Variants in DLGAP1 observed in about 807,000 individuals in gnomAD.
The protein encoded by DLGAP1 is DLG associated protein 1.
In DLGAP1, 11 loss-of-function variants were observed where a neutral mutation model predicts 90.8. That is an observed-to-expected ratio of 0.12 (90% CI 0.08 to 0.20). The LOEUF (loss-of-function observed/expected upper bound fraction) is 0.20, where lower values mean the gene tolerates loss of function less well. DLGAP1 is among the 10% of genes least tolerant of loss of function. DLGAP1 has a pLI of 1.00. For synonymous variants in DLGAP1, 558 were observed against 540.7 expected, an observed-to-expected ratio of 1.03 and a Z score of -0.44; for missense variants, 1,050 against 1,333.8, an observed-to-expected ratio of 0.79 and a Z score of 3.31.
intron 1 of DLGAP1, among the ~76,000 whole-genome samples, chr18:4,327,374 TAA>T: frequency 6.6e-6 from 1 of 152,070 alleles, no homozygotes; most frequent in East Asian, 1.9e-4. Context: ...AATTTAAATT[TAA>T]AAGAAGTGAT....
intron 1 of DLGAP1, among the ~76,000 whole-genome samples, chr18:4,417,010 T>A (rs776484319): frequency 2.8e-4 from 42 of 152,222 alleles, no homozygotes; most frequent in Non-Finnish European, 5.9e-4. Context: ...TTATTCCTTA[T>A]TGCAGTCATT....
intron 1 of DLGAP1, among the ~76,000 whole-genome samples, chr18:4,408,540 G>A (rs775411789): frequency 5.3e-5 from 8 of 151,856 alleles, no homozygotes; most frequent in Non-Finnish European, 7.4e-5. Context: ...TAAACATGAC[G>A]TTGGTATAAG....
chr18:3,906,970 C>T (rs1167351518), intron 3 of DLGAP1, among the ~76,000 whole-genome samples: 1 of 152,078 alleles, frequency 6.6e-6, no homozygotes, highest in Non-Finnish European at 1.5e-5. Context: ...AATAGTAATA[C>T]AAATAAAATG....
At chr18:4,440,834 C>T (rs909129299) in intron 1 of DLGAP1, among the ~76,000 whole-genome samples, 1 of 152,160 alleles carries the variant, frequency 6.6e-6, no homozygotes, top group African/African-American at 2.4e-5. Flanking sequence ...ATTTAACGTG[C>T]CTCTTTCTTG....
chr18:4,090,547 C>A (rs2143745032), intron 2 of DLGAP1, among the ~76,000 whole-genome samples: 1 of 152,314 alleles, frequency 6.6e-6, no homozygotes, highest in East Asian at 1.9e-4. Flanking sequence ...CAATGAGATA[C>A]CATCTCATGC....
chr18:3,666,681 C>T (rs890083314), intron 7 of DLGAP1, among the ~76,000 whole-genome samples: 2 of 152,202 alleles, frequency 1.3e-5, no homozygotes, highest in Non-Finnish European at 2.9e-5. Context: ...GCAGAATCTC[C>T]TGAGATGTTC....
chr18:4,135,832 T>C (rs2076391303), intron 2 of DLGAP1, among the ~76,000 whole-genome samples: 1 of 149,724 alleles, frequency 6.7e-6, no homozygotes, highest in South Asian at 2.1e-4. Context: ...TTCCATAATG[T>C]ATACCTACCA....
rs189646654 is a variant in DLGAP1, at chr18:4,191,373, C to T, written c.-266-40086G>A. Among the ~76,000 whole-genome samples, 3 of 152,232 alleles carry T rather than the reference C, an allele frequency of 2.0e-5. No homozygotes were observed. The East Asian group carries it at 5.8e-4, about 29-fold the overall frequency. ...GAGCCTAAATACTAAATGATGAAAA[C>T]CACAGATATGCTATTAATTAGAAGT... is the stretch of plus-strand genomic sequence containing the variant. On this transcript the variant is annotated intron_variant, in intron 1 of 12. Transcript: ENST00000315677.
chr18:3,757,053 G>A (rs1310980402), intron 5 of DLGAP1, among the ~76,000 whole-genome samples: 1 of 152,126 alleles, frequency 6.6e-6, no homozygotes, highest in Non-Finnish European at 1.5e-5. Flanking sequence ...GAAAATAGAG[G>A]AAGAATAAAT....
intron 4 of DLGAP1, among the ~76,000 whole-genome samples, chr18:3,862,577 G>C (rs1208581377): frequency 6.6e-6 from 1 of 152,174 alleles, no homozygotes; most frequent in African/African-American, 2.4e-5. Context: ...CAGGTGGGTG[G>C]GAAGATCCAG....
At chr18:4,260,251 G>A (rs977895644) in intron 1 of DLGAP1, among the ~76,000 whole-genome samples, 7 of 152,108 alleles carry the variant, frequency 4.6e-5, no homozygotes, top group African/African-American at 1.7e-4. Context: ...AATGGGCTGG[G>A]GACTCTGCTG....
intron 3 of DLGAP1, among the ~76,000 whole-genome samples, chr18:3,972,524 T>TCTC (rs1568327634): frequency 4.9e-5 from 5 of 102,272 alleles, no homozygotes; most frequent in Non-Finnish European, 1.1e-4. Context: ...CTCTCTCTCT[T>TCTC]TCTTTCTTTC....
At chr18:3,594,994 C>T (rs2056495409) in intron 7 of DLGAP1, among the ~76,000 whole-genome samples, 1 of 152,190 alleles carries the variant, frequency 6.6e-6, no homozygotes, top group Admixed American at 6.5e-5. Context: ...GAGAGTGTGC[C>T]TCAAAGCCCC....
intron 2 of DLGAP1, among the ~76,000 whole-genome samples, chr18:4,111,082 G>T: frequency 6.6e-6 from 1 of 152,154 alleles, no homozygotes; most frequent in South Asian, 2.1e-4. Context: ...AGTGGAGGAA[G>T]CTGCCTTCCA....
chr18:3,781,868 C>A lies in DLGAP1; in HGVS notation c.1172+32191G>T, dbSNP rs188863579. Among the ~76,000 whole-genome samples, 37 of 152,276 alleles carry A rather than the reference C, an allele frequency of 2.4e-4. 1 individual carries two copies. Among genetic ancestry groups the A allele is most frequent in the Admixed American group, 1.3e-4 (2 of 15,300 alleles). ...TCTTATAAATTCAACAAGTTCAGAT[C>A]TTTTCTTGATGGATTCAACTACTTC... On this transcript the variant is annotated intron_variant, in intron 5 of 12. Coordinates refer to ENST00000315677, the MANE Select transcript of DLGAP1 (RefSeq NM_004746.4).
intron 9 of DLGAP1, among the ~76,000 whole-genome samples, chr18:3,555,538 C>T (rs2053698586): frequency 6.6e-6 from 1 of 152,110 alleles, no homozygotes; most frequent in African/African-American, 2.4e-5. Context: ...AGGCCGGGGG[C>T]AGTGGCTCAC....
At chr18:3,575,192 T>G (rs927479630) in intron 8 of DLGAP1, among the ~76,000 whole-genome samples, 2 of 152,228 alleles carry the variant, frequency 1.3e-5, no homozygotes, top group African/African-American at 2.4e-5. Context: ...ACAAGTTTCA[T>G]TATCTGCAGT....
At chr18:3,825,413 G>A (rs1388843851) in intron 4 of DLGAP1, among the ~76,000 whole-genome samples, 4 of 152,190 alleles carry the variant, frequency 2.6e-5, no homozygotes, top group Admixed American at 6.5e-5. Flanking sequence ...AAATGGTGTA[G>A]TATTTGCATA....
chr18:4,399,438 A>T (rs1180396762), intron 1 of DLGAP1, among the ~76,000 whole-genome samples: 1 of 152,228 alleles, frequency 6.6e-6, no homozygotes, highest in Non-Finnish European at 1.5e-5. Flanking sequence ...TTAGAATCCC[A>T]TCTTACAGGT....
Sources: allele counts gnomAD v4.1 joint callset (sites outside exome capture counted in the v4.1 genomes callset), GRCh38; gene constraint gnomAD v4.1.1; transcripts MANE v1.5; gene names NCBI Gene and HGNC (gene_info 2026-07-23, HGNC 2026-07-21).